MYO15A: variants seen among roughly 807,000 people sequenced by gnomAD.
The protein encoded by MYO15A is myosin XVA.
Under a neutral mutation model 394.6 loss-of-function variants are expected in MYO15A, and 308 were observed. The ratio of observed to expected loss-of-function variants is 0.78; its 90% CI spans 0.71 to 0.86. The LOEUF is 0.86. MYO15A is among the 40% of genes least tolerant of loss of function. The probability of loss-of-function intolerance (pLI) is 0.00; values close to 1 mark genes in which losing one functional copy is unlikely to be tolerated. For synonymous variants in MYO15A, 1,957 were observed against 2,003.8 expected, an observed-to-expected ratio of 0.98 and a Z score of 0.62; for missense variants, 4,606 against 4,799.1, an observed-to-expected ratio of 0.96 and a Z score of 1.19.
At chr17:18,124,112 G>A (rs577840297) in intron 2 of MYO15A, 1 of 336,740 alleles carries the variant, frequency 3.0e-6, no homozygotes, top group African/African-American at 2.1e-5. Context: ...CAGGTCACAA[G>A]TGTCCTTTGA....
Position 18,141,693 on chromosome 17 carries a change from A to C in MYO15A, c.5572A>C (p.Asn1858His), listed in dbSNP as rs1465691126. 1 of 1,614,062 alleles carries C rather than the reference A, an allele frequency of 6.2e-7. No homozygotes were observed. The highest frequency in any genetic ancestry group is 8.5e-7 in the Non-Finnish European group (1 of 1,179,998). Residue 1858 changes from asparagine to histidine, a missense_variant, in exon 23 of 66, where the codon AAT becomes CAT. By Grantham distance (68) the Asn-to-His change is moderately conservative. Coordinates refer to ENST00000647165, the MANE Select transcript of MYO15A (RefSeq NM_016239.4). ...LVALKHDLPANGDMCVSVLSR... is the reference protein window; with the variant it reads ...LVALKHDLPAHGDMCVSVLSR... Reference sequence around the variant, plus strand: ...GGCCCTCAAGCATGACCTGCCGGCTAATGGGGACATGTGTGTGTCAGTGCT... The same window carrying C: ...GGCCCTCAAGCATGACCTGCCGGCTCATGGGGACATGTGTGTGTCAGTGCT...
chr17:18,140,618 C>T lies in MYO15A; in HGVS notation c.5313C>T (p.Ala1771=), dbSNP rs199867689. ...VTRLYKAHTV[A]AKFQQSLLDL... ...GGCTCTACAAGGCGCACACTGTGGC[C>T]GCCAAGTTCCAGCAGTCACTCCTGG... is the stretch of plus-strand genomic sequence containing the variant. The change falls in exon 20 of 66, where the codon GCC becomes GCT. Residue 1771 remains alanine (A), a synonymous_variant. Transcript: ENST00000647165. 46 of 1,613,684 alleles carry T rather than the reference C, an allele frequency of 2.9e-5. No individual in the cohort carries two copies. The East Asian group carries it at 3.1e-4, about 11-fold the overall frequency.
Position 18,120,675 on chromosome 17 carries a change from C to G in MYO15A, c.1875C>G (p.Pro625=), listed in dbSNP as rs1416041831. The change falls in exon 2 of 66, where the codon CCC becomes CCG. Residue 625 remains proline (P), a synonymous_variant. Coordinates refer to ENST00000647165, the MANE Select transcript of MYO15A (RefSeq NM_016239.4). Reference sequence around the variant, plus strand: ...TGGACCCCGAGAAGCCCGGCACGCCCATCGTGCTGAGGAGGGCCCAGCCAC... The same window carrying G: ...TGGACCCCGAGAAGCCCGGCACGCCGATCGTGCTGAGGAGGGCCCAGCCAC... ...AGMDPEKPGT[P]IVLRRAQPRA... 23 of 1,581,480 alleles carry G rather than the reference C, an allele frequency of 1.5e-5. No individual in the cohort carries two copies. The highest frequency in any genetic ancestry group is 1.3e-4 in the African/African-American group (10 of 74,332).
In MYO15A at chr17:18,141,128, A is replaced by G; in HGVS notation, c.5516A>G (p.Gln1839Arg). The G allele has an allele frequency of 6.2e-7, 1 of 1,613,756 alleles. No individual in the cohort carries two copies. The highest frequency in any genetic ancestry group is 1.3e-5 in the African/African-American group (1 of 75,030). Residue 1839 changes from glutamine to arginine, a missense_variant, in exon 22 of 66, where the codon CAG becomes CGG. This residue lies in a region of MYO15A where 2,776 missense variants were observed against 3,109.3 expected (regional missense o/e 0.89). Transcript: ENST00000647165. Reference sequence around the variant, plus strand: ...GGATTTCCAGTGCGCCTGCCTTTCCAGGGGTTCATCGACAGGTATCTTGGT... The same window carrying G: ...GGATTTCCAGTGCGCCTGCCTTTCCGGGGGTTCATCGACAGGTATCTTGGT... ...KEGFPVRLPF[Q>R]GFIDRYCCLV... is the part of the protein sequence containing the mutation.
Position 18,119,625 on chromosome 17 carries a change from C to A in MYO15A, c.825C>A (p.Gly275=), listed in dbSNP as rs376641289. ...ACAGCCCGGCCTGGCCACCCTACGG[C>A]GACCACTACTACGGGTACCCGCCCG... ...GPYSPAWPPY[G]DHYYGYPPED... The change falls in exon 2 of 66, where the codon GGC becomes GGA. Residue 275 remains glycine (G), a synonymous_variant. Transcript: ENST00000647165. The A allele has an allele frequency of 6.2e-7, 1 of 1,603,122 alleles. No individual in the cohort carries two copies. Among genetic ancestry groups the A allele is most frequent in the Non-Finnish European group, 8.5e-7 (1 of 1,179,900 alleles).
At position 18,115,714 on chromosome 17, in the gene MYO15A, G is replaced by A. The variant is rs78975904; in HGVS notation, c.-219-2868G>A. On this transcript the variant is annotated intron_variant, in intron 1 of 65. Transcript: ENST00000647165. Reference sequence around the variant, plus strand: ...TGGCAGTCGAAGCCAAGCCCTCATTGTGGCCCACAGGCCCTGCACATGTGC... The same window carrying A: ...TGGCAGTCGAAGCCAAGCCCTCATTATGGCCCACAGGCCCTGCACATGTGC... Among the ~76,000 whole-genome samples, 1,299 of 151,842 alleles carry A rather than the reference G, an allele frequency of 8.6e-3. 31 individuals are homozygous for A. The East Asian group carries it at 0.11, about 13-fold the overall frequency.
intron 65 of MYO15A, 140 bp from the exon 66 acceptor site, chr17:18,178,628 TG>T: frequency 2.4e-6 from 2 of 820,578 alleles, no homozygotes; most frequent in Non-Finnish European, 4.1e-6. Flanking sequence ...TCTCAGGCCC[TG>T]GGGGAGGTGG....
In MYO15A at chr17:18,117,528, T is replaced by C. The variant is rs1420303802; in HGVS notation, c.-219-1054T>C. On this transcript the variant is annotated intron_variant, in intron 1 of 65. Coordinates refer to ENST00000647165, the MANE Select transcript of MYO15A (RefSeq NM_016239.4). The surrounding 1 kb of genome is among the most constrained non-coding windows in gnomAD (Gnocchi z 4.1). ...TGGGACCAAAAGAGTGAACCAGAGT[T>C]CAGTGAGTTGAGGTCCATCTTGAGG... Among the ~76,000 whole-genome samples, 1 of 152,158 alleles carries C rather than the reference T, an allele frequency of 6.6e-6. No individual in the cohort carries two copies. Among genetic ancestry groups the C allele is most frequent in the Non-Finnish European group, 1.5e-5 (1 of 68,022 alleles).
chr17:18,157,388 C>A, intron 50 of MYO15A, 158 bp downstream of exon 50: 1 of 1,074,682 alleles, frequency 9.3e-7, no homozygotes, highest in Non-Finnish European at 1.4e-6. Context: ...CTGTTGGTGG[C>A]CAGACAGCCC....
chr17:18,155,376 G>T lies in MYO15A; in HGVS notation c.8403G>T (p.Arg2801Ser), dbSNP rs750190736. 1.2e-6 allele frequency: 2 copies of T among 1,613,784 alleles called. No homozygotes were observed. Among genetic ancestry groups the T allele is most frequent in the Non-Finnish European group, 1.7e-6 (2 of 1,180,034 alleles). Residue 2801 changes from arginine to serine, a missense_variant, in exon 47 of 66, where the codon AGG (arginine) becomes AGT (serine). Coordinates refer to ENST00000647165, the MANE Select transcript of MYO15A (RefSeq NM_016239.4). ...AVSHVGIKLL[R>S]MVKGGQEAGG... ...CCCACGTGGGCATCAAACTCCTGAG[G>T]ATGGTCAAGGGTGGCCAGGAGGCCG...
rs371724747 is a variant in MYO15A at position 18,159,919 on chromosome 17, C to T, written c.9304-16C>T. On this transcript the variant is annotated splice_polypyrimidine_tract_variant and intron_variant, in intron 55 of 65. Coordinates refer to ENST00000647165, the MANE Select transcript of MYO15A (RefSeq NM_016239.4). ...CTCACATGTCTTTGGTGTGTAACCT[C>T]CCTGCCCCCCTTCAGCTGTGCGGGG... 59 of 1,613,696 alleles carry T rather than the reference C, an allele frequency of 3.7e-5. No individual in the cohort carries two copies. In the African/African-American group the frequency reaches 6.5e-4, roughly 18 times the overall value.
At chr17:18,144,388 C>A (rs1384369827) in intron 28 of MYO15A, 109 bp from the exon 29 acceptor site, 3 of 1,062,262 alleles carry the variant, frequency 2.8e-6, no homozygotes, top group African/African-American at 3.1e-5. Flanking sequence ...CACTGAGGAC[C>A]AAAGCCCCTG....
At chr17:18,142,348 G>A in intron 24 of MYO15A, 94 bp downstream of exon 24, 2 of 1,430,928 alleles carry the variant, frequency 1.4e-6, no homozygotes, top group Admixed American at 2.0e-5. Flanking sequence ...CCTATCCCTG[G>A]AGGCATGCAA....
Position 18,172,169 on chromosome 17 carries a change from C to T in MYO15A, c.10229C>T (p.Ala3410Val). 1 of 1,614,210 alleles carries T rather than the reference C, an allele frequency of 6.2e-7. No homozygotes were observed. The highest frequency in any genetic ancestry group is 8.5e-7 in the Non-Finnish European group (1 of 1,180,048). Reference sequence around the variant, plus strand: ...TCTCCCTGCCCAGGCCTCCTCAGCGCCTTACCTATGTTCGGCTCCTCCTTC... The same window carrying T: ...TCTCCCTGCCCAGGCCTCCTCAGCGTCTTACCTATGTTCGGCTCCTCCTTC... ...ARAQFLGLLS[A>V]LPMFGSSFFF... is the part of the protein sequence containing the mutation. Residue 3410 changes from alanine to valine, a missense_variant, in exon 64 of 66, where the codon GCC becomes GTC. Physicochemically the swap from Ala to Val is moderately conservative, Grantham distance 64. Transcript: ENST00000647165.
chr17:18,167,577 G>A lies in MYO15A; in HGVS notation c.9949-13G>A. ...GCCTGCCTGGCAGCCCCTCACCCAGGTGCTCCCTGCAGGTCCTGCCTGACT... is the reference window on the plus strand; with the variant it reads ...GCCTGCCTGGCAGCCCCTCACCCAGATGCTCCCTGCAGGTCCTGCCTGACT... On this transcript the variant is annotated splice_polypyrimidine_tract_variant and intron_variant, in intron 61 of 65. Transcript: ENST00000647165. 4 of 1,601,314 alleles carry A rather than the reference G, an allele frequency of 2.5e-6. No individual in the cohort carries two copies. The highest frequency in any genetic ancestry group is 3.4e-6 in the Non-Finnish European group (4 of 1,179,834).
chr17:18,131,121 C>A, intron 8 of MYO15A, 118 bp from the exon 9 acceptor site: 1 of 934,240 alleles, frequency 1.1e-6, no homozygotes, highest in Non-Finnish European at 1.7e-6. Context: ...CTGGTCATCT[C>A]TCATAAAGGG....
rs1194768878 is a variant in MYO15A, at chr17:18,138,258, G to A, written c.5007+12G>A. ...GTTGCTTTCCCCAGGTGAGCCGCAG[G>A]CACTGTGTGAGCCTAGTCAGGTCAC... On this transcript the variant is annotated intron_variant, in intron 17 of 65. Transcript: ENST00000647165. 1 of 1,611,184 alleles carries A rather than the reference G, an allele frequency of 6.2e-7. No individual in the cohort carries two copies.
rs201230033 is a variant in MYO15A, at chr17:18,161,366, C to T, written c.9436C>T (p.His3146Tyr). ...WRLLYIVTAY[H>Y]SCSEVLHPHL... ...GCTGCTGTATATCGTGACCGCCTAC[C>T]ACAGCTGCTCTGAGGTCCTCCACCC... Residue 3146 changes from histidine (H) to tyrosine (Y), a missense_variant, in exon 57 of 66, where the codon CAC (histidine) becomes TAC (tyrosine). By Grantham distance (83) the His-to-Tyr change is moderately conservative (BLOSUM62 2). Transcript: ENST00000647165. 179 of 1,614,082 alleles carry T rather than the reference C, an allele frequency of 1.1e-4. No individual in the cohort carries two copies. Among genetic ancestry groups the T allele is most frequent in the Middle Eastern group, 3.3e-4 (2 of 6,062 alleles).
intron 6 of MYO15A, 42 bp downstream of exon 6, chr17:18,126,907 T>A: frequency 6.2e-7 from 1 of 1,611,084 alleles, no homozygotes; most frequent in Non-Finnish European, 8.5e-7. Flanking sequence ...TGGGGGACCT[T>A]AGGTAGCAGG....
Sources: gnomAD v4.1 joint callset for allele counts (sites outside exome capture counted in the v4.1 genomes callset) on GRCh38, gnomAD v4.1.1 for gene constraint, gnomAD v4.1.1 regional missense constraint, Gnocchi (gnomAD v3.1) non-coding constraint, MANE v1.5 for transcripts, NCBI Gene and HGNC (gene_info 2026-07-23, HGNC 2026-07-21) for gene names.